The following DHDDS variants were observed in gnomAD, a reference collection of about 807,000 sequenced individuals.
DHDDS encodes the protein dehydrodolichyl diphosphate synthase complex subunit DHDDS.
In DHDDS, 16 loss-of-function variants were observed where a neutral mutation model predicts 46.2. The observed-to-expected ratio is 0.35, with a 90% CI of 0.23 to 0.53. The LOEUF (loss-of-function observed/expected upper bound fraction) is 0.53. Ranked by LOEUF, DHDDS falls within the 20% of genes least tolerant of loss-of-function variation. DHDDS has a pLI of 0.94. For synonymous variants in DHDDS, 151 were observed against 163.1 expected, an observed-to-expected ratio of 0.93 and a Z score of 0.56; for missense variants, 340 against 423.7, an observed-to-expected ratio of 0.80 and a Z score of 1.73.
At position 26,470,451 on chromosome 1, in the gene DHDDS, AT is replaced by A. The variant is rs2075542816; in HGVS notation, c.*1324del. On this transcript the variant is annotated 3_prime_UTR_variant, in exon 9 of 9. Transcript: ENST00000236342. ...CATGAGCCACCATGCCAGACTTCCC[AT>A]TTTACTTTCTGCAAGCTGTTTCCCT... 6.6e-6 allele frequency: 1 copy of A among 150,836 alleles called. No homozygotes were observed. Among genetic ancestry groups the A allele is most frequent in the African/African-American group, 2.4e-5 (1 of 40,894 alleles). The allele number at this position is 150,836 out of a possible 1,614,324, so 9.3% of individuals were successfully genotyped here. A position where few individuals can be genotyped will look rare whatever the true frequency, so the allele number is the denominator to read the frequency against.
chr1:26,433,077 T>C lies in DHDDS; in HGVS notation c.63+69T>C, dbSNP rs1036788716. On this transcript the variant is annotated intron_variant, in intron 2 of 8. Coordinates refer to ENST00000236342, the MANE Select transcript of DHDDS (RefSeq NM_205861.3). ...GATAATCTTATATAAAAACCTGTTA[T>C]TAAAGTTGATGATGTTAAGTGCAAT... 3.3e-6 allele frequency: 5 copies of C among 1,532,574 alleles called. No individual in the cohort carries two copies. In the African/African-American group the frequency reaches 6.8e-5, roughly 21 times the overall value. 94.9% of individuals were successfully genotyped at this position (1,532,574 alleles called of 1,614,324 possible). A position where few individuals can be genotyped will look rare whatever the true frequency, so the allele number is the denominator to read the frequency against.
At chr1:26,468,816 A>AGGGG in intron 8 of DHDDS, 79 bp from the exon 9 acceptor site, 1 of 411,370 alleles carries the variant, frequency 2.4e-6, no homozygotes, top group Non-Finnish European at 3.6e-6. Context: ...CCTGTGCCCC[A>AGGGG]CCCCCTACCT....
At chr1:26,437,510 A>AGGCTGGAGTGCAGTGGCACTGTCG in intron 2 of DHDDS, among the ~76,000 whole-genome samples, 1 of 150,494 alleles carries the variant, frequency 6.6e-6, no homozygotes, top group Non-Finnish European at 1.5e-5. Flanking sequence ...TCGCTGTGTC[A>AGGCTGGAGTGCAGTGGCACTGTCG]CCCAGGCTGG....
chr1:26,456,542 G>A (rs1438019744), intron 6 of DHDDS, among the ~76,000 whole-genome samples: 9 of 152,104 alleles, frequency 5.9e-5, no homozygotes, highest in Non-Finnish European at 1.3e-4. Context: ...ACAGGCATGC[G>A]GCACCACACC....
chr1:26,453,302 G>A (rs187093747), intron 6 of DHDDS, among the ~76,000 whole-genome samples: 1 of 152,020 alleles, frequency 6.6e-6, no homozygotes, highest in Non-Finnish European at 1.5e-5. Context: ...TCTTTAACCA[G>A]TCTTCTATTT....
rs138016540 is a variant in DHDDS, at chr1:26,470,891, A to C, written c.*1760A>C. On this transcript the variant is annotated 3_prime_UTR_variant, in exon 9 of 9. Coordinates refer to ENST00000236342, the MANE Select transcript of DHDDS (RefSeq NM_205861.3). Reference sequence around the variant, plus strand: ...GGAGGCAGCAAACGGAATCTGCCCTATGAGCGTGGCTGTTGAGTCCTGTCT... The same window carrying C: ...GGAGGCAGCAAACGGAATCTGCCCTCTGAGCGTGGCTGTTGAGTCCTGTCT... 1 of 152,776 alleles carries C rather than the reference A, an allele frequency of 6.5e-6. No homozygotes were observed. The highest frequency in any genetic ancestry group is 1.5e-5 in the Non-Finnish European group (1 of 68,164). 9.5% of individuals were successfully genotyped at this position (152,776 alleles called of 1,614,324 possible).
intron 4 of DHDDS, 124 bp from the exon 5 acceptor site, chr1:26,446,192 G>A: frequency 2.8e-6 from 2 of 715,744 alleles, no homozygotes; most frequent in Non-Finnish European, 4.8e-6. Flanking sequence ...AATAATGCAT[G>A]TAGAACAGGG....
At position 26,442,764 on chromosome 1, in the gene DHDDS, G is replaced by A; in HGVS notation, c.214G>A (p.Glu72Lys). The change falls in exon 4 of 9, where the codon GAG (glutamate) becomes AAG (lysine). Residue 72 changes from glutamate (E) to lysine (K), a missense_variant. This residue lies in a region of DHDDS where 72 missense variants were observed against 123.5 expected (regional missense o/e 0.58). Coordinates refer to ENST00000236342, the MANE Select transcript of DHDDS (RefSeq NM_205861.3). The part of the protein sequence containing the change: ...LRWCLNLGIL[E>K]VTVYAFSIEN... ...GTGGTGTTTGAACCTGGGCATCCTA[G>A]AGGTGACAGTCTACGCATTCAGCAT... is the stretch of plus-strand genomic sequence containing the variant. The A allele has an allele frequency of 6.2e-7, 1 of 1,614,128 alleles. No homozygotes were observed. The highest frequency in any genetic ancestry group is 8.5e-7 in the Non-Finnish European group (1 of 1,180,024).
intron 6 of DHDDS, chr1:26,454,887 T>G: frequency 6.3e-7 from 1 of 1,595,710 alleles, no homozygotes; most frequent in Non-Finnish European, 8.5e-7. Context: ...AGTTCAGCAT[T>G]ACTCTCTGCA....
At chr1:26,453,093 A>AACACACACACAC (rs57753843) in intron 6 of DHDDS, among the ~76,000 whole-genome samples, 3 of 146,430 alleles carry the variant, frequency 2.0e-5, no homozygotes, top group African/African-American at 7.5e-5. Context: ...CCCTGTCTGA[A>AACACACACACAC]ACACACACAC....
At chr1:26,468,222 G>A (rs966984186) in intron 8 of DHDDS, among the ~76,000 whole-genome samples, 3 of 133,062 alleles carry the variant, frequency 2.3e-5, no homozygotes, top group African/African-American at 9.3e-5. Flanking sequence ...TTCTCAGAAT[G>A]TTCATAGGGG....
chr1:26,446,394 G>A lies in DHDDS; in HGVS notation c.402G>A (p.Leu134=). 6.2e-7 allele frequency: 1 copy of A among 1,614,020 alleles called. No homozygotes were observed. The highest frequency in any genetic ancestry group is 2.2e-5 in the East Asian group (1 of 44,880). Residue 134 remains leucine, a synonymous_variant, in exon 5 of 9, where the codon CTG becomes CTA. Coordinates refer to ENST00000236342, the MANE Select transcript of DHDDS (RefSeq NM_205861.3). The stretch of plus-strand genomic sequence containing the variant: ...TGTTGCCCTTGGATCTCCAGGAGCT[G>A]ATTGCACAAGCTGTACAGGCCACGA... ...LHLLPLDLQE[L]IAQAVQATKN... is the part of the protein sequence containing the mutation.
At chr1:26,443,052 C>CTTTTTTTT (rs113377361) in intron 4 of DHDDS, 179 bp downstream of exon 4, 85 of 999,090 alleles carry the variant, frequency 8.5e-5, no homozygotes, top group Middle Eastern at 7.2e-4. Flanking sequence ...TTATTTCTAA[C>CTTTTTTTT]TTTTTAATAA....
chr1:26,445,062 C>T (rs2075255130), intron 4 of DHDDS, among the ~76,000 whole-genome samples: 2 of 124,396 alleles, frequency 1.6e-5, no homozygotes, highest in African/African-American at 6.3e-5. Context: ...GGCTGACTCC[C>T]TACGTGCAAA....
intron 4 of DHDDS, among the ~76,000 whole-genome samples, chr1:26,445,413 G>A (rs900146010): frequency 6.6e-6 from 1 of 152,170 alleles, no homozygotes; most frequent in East Asian, 1.9e-4. Context: ...GTAATGTATA[G>A]TAAAGAGTTT....
In DHDDS at chr1:26,465,770, A is replaced by C. The variant is rs535122614; in HGVS notation, c.766-3125A>C. ...AAAGCACCCTGCACATCCTGTCCCC[A>C]GTACAACTCCCCAGGCAAGGAGACT... On this transcript the variant is annotated intron_variant, in intron 8 of 8. Coordinates refer to ENST00000236342, the MANE Select transcript of DHDDS (RefSeq NM_205861.3). Among the ~76,000 whole-genome samples the C allele has an allele frequency of 5.9e-5, 9 of 152,260 alleles. No individual in the cohort carries two copies. In the South Asian group the frequency reaches 1.7e-3, roughly 28 times the overall value.
In DHDDS at chr1:26,470,991, T is replaced by A. The variant is rs1392613793; in HGVS notation, c.*1860T>A. The A allele has an allele frequency of 6.6e-6, 1 of 152,300 alleles. No individual in the cohort carries two copies. Among genetic ancestry groups the A allele is most frequent in the East Asian group, 1.9e-4 (1 of 5,206 alleles). The allele number at this position is 152,300 out of a possible 1,614,324, so 9.4% of individuals were successfully genotyped here. On this transcript the variant is annotated 3_prime_UTR_variant, in exon 9 of 9. Coordinates refer to ENST00000236342, the MANE Select transcript of DHDDS (RefSeq NM_205861.3). ...ATGGGGCTGGCATCTCTCTTTGGCC[T>A]GAGGTTCTGTATTCTGGGAAAGGTA...
At chr1:26,468,827 C>T in intron 8 of DHDDS, 68 bp from the exon 9 acceptor site, 1 of 1,438,826 alleles carries the variant, frequency 7.0e-7, no homozygotes. Flanking sequence ...CCCCCTACCT[C>T]CTCCATCCCA....
At chr1:26,440,775 C>T (rs2075210098) in intron 3 of DHDDS, among the ~76,000 whole-genome samples, 1 of 152,140 alleles carries the variant, frequency 6.6e-6, no homozygotes, top group East Asian at 1.9e-4. Flanking sequence ...GGCAGCTCTT[C>T]AGCTTGTTTC....
Sources: gnomAD v4.1 joint callset for allele counts (sites outside exome capture counted in the v4.1 genomes callset) on GRCh38, gnomAD v4.1.1 for gene constraint, gnomAD v4.1.1 regional missense constraint, MANE v1.5 for transcripts, NCBI Gene and HGNC (gene_info 2026-07-23, HGNC 2026-07-21) for gene names.